SP2: variants seen among roughly 807,000 people sequenced by gnomAD.
SP2 encodes transcription factor Sp2.
A neutral mutation model predicts 50.1 loss-of-function variants in SP2; 9 were observed. That is an observed-to-expected ratio of 0.18 (90% CI 0.11 to 0.31). SP2 has a LOEUF of 0.31. Ranked by LOEUF, SP2 falls within the 10% of genes least tolerant of loss-of-function variation. The probability of loss-of-function intolerance (pLI) is 1.00; values close to 1 mark genes in which losing one functional copy is unlikely to be tolerated. For missense variants in SP2, 581 were observed against 806.5 expected (o/e 0.72, Z 3.39); for synonymous variants, 313 against 326.6 (o/e 0.96, Z 0.45).
Position 47,924,915 on chromosome 17 carries a change from A to G in SP2, c.1373-4A>G, listed in dbSNP as rs546833981. On this transcript the variant is annotated splice_polypyrimidine_tract_variant and splice_region_variant and intron_variant, in intron 4 of 6. Coordinates refer to ENST00000376741, the MANE Select transcript of SP2 (RefSeq NM_003110.6). ...CTGAACTCTGCCCCTCTTTGTCCCC[A>G]CAGGGCAGCAGCAGCTGACAGTGCA... 3.1e-6 allele frequency: 5 copies of G among 1,589,304 alleles called. No homozygotes were observed. The highest frequency in any genetic ancestry group is 4.3e-6 in the Non-Finnish European group (5 of 1,163,078).
downstream of SP2, among the ~76,000 whole-genome samples, chr17:47,930,930 C>T (rs1348552390): frequency 6.6e-6 from 1 of 152,094 alleles, no homozygotes; most frequent in Non-Finnish European, 1.5e-5. Flanking sequence ...AGGGACTGGG[C>T]AGGATTTCCC....
At chr17:47,917,814 A>C (rs1273088452) in intron 3 of SP2, 1 of 439,892 alleles carries the variant, frequency 2.3e-6, no homozygotes, top group Admixed American at 2.5e-5. Context: ...TGCTGAATTC[A>C]ACAAGAATGT....
rs2034322896 is a variant in SP2 at position 47,896,269 on chromosome 17, A to G, written c.-18A>G. On this transcript the variant is annotated 5_prime_UTR_variant, in exon 1 of 7. Coordinates refer to ENST00000376741, the MANE Select transcript of SP2 (RefSeq NM_003110.6). ...GGTGGCGGCGGAGGCGGCGGAGGCC[A>G]GGGAGGAAGATGTCGTAATGAGCGG... is the stretch of plus-strand genomic sequence containing the variant. 8.1e-6 allele frequency: 10 copies of G among 1,239,820 alleles called. No homozygotes were observed. The highest frequency in any genetic ancestry group is 1.0e-5 in the Non-Finnish European group (10 of 988,686). The allele number at this position is 1,239,820 out of a possible 1,614,324, so 76.8% of individuals were successfully genotyped here. A position where few individuals can be genotyped will look rare whatever the true frequency, so the allele number is the denominator to read the frequency against.
Position 47,927,993 on chromosome 17 carries a change from GA to G in SP2, c.*171del. 1 of 597,424 alleles carries G rather than the reference GA, an allele frequency of 1.7e-6. No individual in the cohort carries two copies. Among genetic ancestry groups the G allele is most frequent in the Non-Finnish European group, 3.0e-6 (1 of 332,244 alleles). 37.0% of individuals were successfully genotyped at this position (597,424 alleles called of 1,614,324 possible). A position where few individuals can be genotyped will look rare whatever the true frequency, so the allele number is the denominator to read the frequency against. On this transcript the variant is annotated 3_prime_UTR_variant, in exon 7 of 7. Coordinates refer to ENST00000376741, the MANE Select transcript of SP2 (RefSeq NM_003110.6). ...CTGTTCCCTGTATTGTCCTCCTTCT[GA>G]AGCCCCTTGGCTCTGCCTTGGCCCT...
intron 6 of SP2, 149 bp from the exon 7 acceptor site, chr17:47,927,575 T>A: frequency 2.1e-6 from 1 of 470,700 alleles, no homozygotes; most frequent in Non-Finnish European, 3.9e-6. Context: ...TAAGCACCAG[T>A]GAGCAAATGT....
intron 3 of SP2, among the ~76,000 whole-genome samples, chr17:47,919,423 T>A (rs573646072): frequency 6.6e-4 from 100 of 151,296 alleles, no homozygotes; most frequent in South Asian, 2.7e-3. Context: ...AAAAAAAAAA[T>A]TTTTTTTAAA....
At chr17:47,918,495 C>T (rs1025609999) in intron 3 of SP2, 2 of 152,180 alleles carry the variant, frequency 1.3e-5, no homozygotes, top group South Asian at 2.1e-4. Context: ...AGCACATCCT[C>T]GGCATTGCCT....
At chr17:47,914,097 A>G (rs1356756084) in intron 1 of SP2, among the ~76,000 whole-genome samples, 1 of 152,134 alleles carries the variant, frequency 6.6e-6, no homozygotes, top group Non-Finnish European at 1.5e-5. Flanking sequence ...GAGGCCAGGG[A>G]TGGTGGCTCA....
chr17:47,917,986 C>T (rs1337845505), intron 3 of SP2: 1 of 201,744 alleles, frequency 5.0e-6, no homozygotes, highest in Non-Finnish European at 1.1e-5. Context: ...TATCCAAGAT[C>T]AAATAGGGCA....
In SP2 at chr17:47,916,136, T is replaced by C; in HGVS notation, c.85-20T>C. ...GCGGGCCTTCCTGTCTCACTCCTTT[T>C]CTCTGCTGTTTTTTTGCAGGACTCC... On this transcript the variant is annotated intron_variant, in intron 2 of 6. Coordinates refer to ENST00000376741, the MANE Select transcript of SP2 (RefSeq NM_003110.6). The surrounding 1 kb of genome is among the most constrained non-coding windows in gnomAD (Gnocchi z 4.7). 6.3e-7 allele frequency: 1 copy of C among 1,584,820 alleles called. No homozygotes were observed. Among genetic ancestry groups the C allele is most frequent in the South Asian group, 1.2e-5 (1 of 85,814 alleles).
At chr17:47,900,144 C>T (rs969692185) in intron 1 of SP2, 5 of 152,230 alleles carry the variant, frequency 3.3e-5, no homozygotes, top group Non-Finnish European at 7.3e-5. Flanking sequence ...TGATCTCATT[C>T]ACAGAGTAAA....
downstream of SP2, chr17:47,930,095 A>G (rs1365596656): frequency 6.6e-6 from 1 of 152,202 alleles, no homozygotes; most frequent in Non-Finnish European, 1.5e-5. Context: ...ATACTAGACC[A>G]CCAGCTGAAT....
intron 1 of SP2, chr17:47,898,465 C>T (rs372223086): frequency 3.3e-5 from 5 of 152,180 alleles, no homozygotes; most frequent in African/African-American, 1.2e-4. Flanking sequence ...AACCAGGGCC[C>T]TTATGAAGAC....
In SP2 at chr17:47,913,547, G is replaced by A. The variant is rs187110246; in HGVS notation, c.8-1765G>A. On this transcript the variant is annotated intron_variant, in intron 1 of 6. Transcript: ENST00000376741. ...TTCTCCTAAAATTCTCATGACTTTC[G>A]TTTTCCTGATACTGTGTTTCTTTCT... Among the ~76,000 whole-genome samples the A allele has an allele frequency of 3.2e-3, 488 of 152,132 alleles. 2 individuals carry two copies. Among genetic ancestry groups the A allele is most frequent in the Non-Finnish European group, 5.0e-3 (338 of 68,004 alleles).
At chr17:47,922,491 C>CT (rs987657572) in intron 3 of SP2, among the ~76,000 whole-genome samples, 90 of 138,762 alleles carry the variant, frequency 6.5e-4, no homozygotes, top group Middle Eastern at 3.8e-3. Flanking sequence ...ATATGTGGCT[C>CT]TTTTTTTTTT....
chr17:47,920,844 A>G lies in SP2; in HGVS notation c.1060-2118A>G, dbSNP rs987605618. 6.6e-5 allele frequency among the ~76,000 whole-genome samples: 10 copies of G among 152,340 alleles called. 1 individual carries two copies. The South Asian group carries it at 2.1e-3, about 32-fold the overall frequency. Reference sequence around the variant, plus strand: ...TAAAGTATACAATTCAGTGATTTTTAGTATATTCACAGAGTTGTGCAGCCA... The same window carrying G: ...TAAAGTATACAATTCAGTGATTTTTGGTATATTCACAGAGTTGTGCAGCCA... On this transcript the variant is annotated intron_variant, in intron 3 of 6. Coordinates refer to ENST00000376741, the MANE Select transcript of SP2 (RefSeq NM_003110.6).
Position 47,924,962 on chromosome 17 carries a change from G to T in SP2, c.1416G>T (p.Leu472=). 6.2e-7 allele frequency: 1 copy of T among 1,612,976 alleles called. No homozygotes were observed. The highest frequency in any genetic ancestry group is 8.5e-7 in the Non-Finnish European group (1 of 1,179,156). ...LTVQNVSGNN[L]TISGLSPTQI... ...TGCAGAATGTTTCTGGGAACAACCTGACCATCAGTGGGCTGAGCCCCACCC... is the reference window on the plus strand; with the variant it reads ...TGCAGAATGTTTCTGGGAACAACCTTACCATCAGTGGGCTGAGCCCCACCC... The change falls in exon 5 of 7, where the codon CTG becomes CTT. Residue 472 remains leucine, a synonymous_variant. Coordinates refer to ENST00000376741, the MANE Select transcript of SP2 (RefSeq NM_003110.6).
intron 1 of SP2, among the ~76,000 whole-genome samples, chr17:47,896,750 A>T (rs1332108087): frequency 2.0e-5 from 3 of 152,158 alleles, no homozygotes; most frequent in Non-Finnish European, 4.4e-5. Context: ...CCCACCAGCG[A>T]TTCAGGGCTC....
chr17:47,910,216 C>G (rs1049808597), intron 1 of SP2, among the ~76,000 whole-genome samples: 1 of 152,198 alleles, frequency 6.6e-6, no homozygotes, highest in African/African-American at 2.4e-5. Context: ...CCTAAGTTTT[C>G]CAGCCTGTAG....
Sources: allele counts gnomAD v4.1 joint callset (sites outside exome capture counted in the v4.1 genomes callset), GRCh38; gene constraint gnomAD v4.1.1; non-coding constraint Gnocchi (gnomAD v3.1); transcripts MANE v1.5; gene names NCBI Gene and HGNC (gene_info 2026-07-23, HGNC 2026-07-21).